The following TECRL variants were observed in gnomAD, a reference collection of about 807,000 sequenced individuals.
TECRL encodes trans-2,3-enoyl-CoA reductase-like.
In TECRL, 63 loss-of-function variants were observed where a neutral mutation model predicts 52.8. That is an observed-to-expected ratio of 1.19 (90% CI 0.97 to 1.47). TECRL has a LOEUF of 1.47. Ranked by LOEUF, TECRL falls within the 40% of genes most tolerant of loss-of-function variation. The probability of loss-of-function intolerance (pLI) is 0.00; values close to 1 mark genes in which losing one functional copy is unlikely to be tolerated. For missense variants in TECRL, 482 were observed against 429.6 expected (o/e 1.12, Z -1.08); for synonymous variants, 164 against 141.9 (o/e 1.16, Z -1.10).
chr4:64,362,246 T>C (rs1361151039), intron 2 of TECRL, among the ~76,000 whole-genome samples: 1 of 152,020 alleles, frequency 6.6e-6, no homozygotes, highest in Non-Finnish European at 1.5e-5. Flanking sequence ...CTGAAAGAGA[T>C]GAAGTGATGG....
At chr4:64,379,540 T>C (rs1057124444) in intron 1 of TECRL, among the ~76,000 whole-genome samples, 2 of 152,114 alleles carry the variant, frequency 1.3e-5, no homozygotes, top group African/African-American at 2.4e-5. Flanking sequence ...TAATTGTTAA[T>C]TATAGTCACC....
intron 6 of TECRL, 132 bp downstream of exon 6, chr4:64,309,694 G>T: frequency 2.9e-6 from 2 of 690,382 alleles, no homozygotes; most frequent in East Asian, 2.7e-5. Context: ...TTTAGGAAAA[G>T]AATGTTTAAG....
intron 8 of TECRL, among the ~76,000 whole-genome samples, chr4:64,294,827 A>G (rs1221602225): frequency 6.6e-6 from 1 of 152,012 alleles, no homozygotes; most frequent in Non-Finnish European, 1.5e-5. Flanking sequence ...TATTTCAAAA[A>G]TAAGGACAAT....
At chr4:64,319,750 T>C (rs1356765513) in intron 4 of TECRL, among the ~76,000 whole-genome samples, 1 of 151,870 alleles carries the variant, frequency 6.6e-6, no homozygotes, top group Non-Finnish European at 1.5e-5. Flanking sequence ...TCCATATAAC[T>C]GAATACTACT....
At chr4:64,318,172 C>G (rs1717635877) in intron 4 of TECRL, among the ~76,000 whole-genome samples, 1 of 152,030 alleles carries the variant, frequency 6.6e-6, no homozygotes, top group Non-Finnish European at 1.5e-5. Flanking sequence ...TAGAAATATG[C>G]AGGTATACAA....
chr4:64,287,859 G>C (rs902234017), intron 9 of TECRL, among the ~76,000 whole-genome samples: 1 of 151,910 alleles, frequency 6.6e-6, no homozygotes, highest in Non-Finnish European at 1.5e-5. Context: ...TTCAAAATGG[G>C]CCATGGGCCA....
At chr4:64,391,740 C>A (rs1177385480) in intron 1 of TECRL, among the ~76,000 whole-genome samples, 1 of 151,726 alleles carries the variant, frequency 6.6e-6, no homozygotes, top group Non-Finnish European at 1.5e-5. Flanking sequence ...TTATTGAATG[C>A]TCTTATGTGA....
intron 8 of TECRL, 42 bp from the exon 9 acceptor site, chr4:64,289,809 C>T (rs1187234041): frequency 1.2e-5 from 16 of 1,329,320 alleles, no homozygotes; most frequent in Non-Finnish European, 1.5e-5. Flanking sequence ...TACACCTCTG[C>T]CTATTTTTTA....
intron 2 of TECRL, among the ~76,000 whole-genome samples, chr4:64,364,221 C>A (rs1721432064): frequency 6.6e-6 from 1 of 151,614 alleles, no homozygotes; most frequent in East Asian, 1.9e-4. Context: ...CTAGTGAAAA[C>A]AAAGATACAA....
chr4:64,293,722 A>T (rs1406481250), intron 8 of TECRL, among the ~76,000 whole-genome samples: 1 of 151,942 alleles, frequency 6.6e-6, no homozygotes, highest in African/African-American at 2.4e-5. Context: ...AATGAAAATG[A>T]TGTATCAATA....
chr4:64,360,336 C>T (rs2109610782), intron 2 of TECRL, among the ~76,000 whole-genome samples: 1 of 152,078 alleles, frequency 6.6e-6, no homozygotes, highest in Middle Eastern at 3.4e-3. Context: ...GTAATAATTT[C>T]TTCAGAATTA....
chr4:64,334,204 C>A lies in TECRL; in HGVS notation c.287-5648G>T, dbSNP rs993333284. ...GTCTTTCTTCTTAAGTAATAAACAT[C>A]AAATATTACCCAAAATTCTTCCTTG... On this transcript the variant is annotated intron_variant, in intron 2 of 11. Coordinates refer to ENST00000381210, the MANE Select transcript of TECRL (RefSeq NM_001010874.5). Among the ~76,000 whole-genome samples, 9 of 152,038 alleles carry A rather than the reference C, an allele frequency of 5.9e-5. 1 individual carries two copies. Among genetic ancestry groups the A allele is most frequent in the African/African-American group, 1.9e-4 (8 of 41,526 alleles).
intron 2 of TECRL, among the ~76,000 whole-genome samples, chr4:64,351,154 AG>A (rs1296314617): frequency 6.6e-6 from 1 of 150,542 alleles, no homozygotes; most frequent in African/African-American, 2.4e-5. Flanking sequence ...TGGATGGGAA[AG>A]GGGCATGAAG....
chr4:64,291,338 G>T (rs1345877898), intron 8 of TECRL, among the ~76,000 whole-genome samples: 1 of 151,792 alleles, frequency 6.6e-6, no homozygotes, highest in East Asian at 1.9e-4. Context: ...CTAACAAATC[G>T]TTAGCACTAC....
chr4:64,388,996 C>A (rs987598989), intron 1 of TECRL, among the ~76,000 whole-genome samples: 3 of 151,892 alleles, frequency 2.0e-5, no homozygotes, highest in South Asian at 4.1e-4. Flanking sequence ...TTTCTGTTTT[C>A]TTTTACTGTT....
chr4:64,290,356 C>G (rs1723312468), intron 8 of TECRL, among the ~76,000 whole-genome samples: 1 of 152,144 alleles, frequency 6.6e-6, no homozygotes, highest in South Asian at 2.1e-4. Flanking sequence ...TCGCCTGAGA[C>G]TAATAATGTT....
chr4:64,314,954 A>T (rs1421424528), intron 4 of TECRL, among the ~76,000 whole-genome samples, 191 bp from the exon 5 acceptor site: 1 of 152,108 alleles, frequency 6.6e-6, no homozygotes, highest in African/African-American at 2.4e-5. Context: ...ATGTATAGTT[A>T]ATTTGGAATA....
At chr4:64,389,239 G>T (rs1384689401) in intron 1 of TECRL, among the ~76,000 whole-genome samples, 1 of 151,788 alleles carries the variant, frequency 6.6e-6, no homozygotes, top group Non-Finnish European at 1.5e-5. Context: ...TAAAAATGAC[G>T]TGACCTGTAG....
In TECRL at chr4:64,296,956, T is replaced by G. The variant is rs1333350081; in HGVS notation, c.774+3018A>C. On this transcript the variant is annotated intron_variant, in intron 8 of 11. Transcript: ENST00000381210. ...TAGATTTGTGATACCCGAACATATCTGAGGATCAAATTGTGTTGAAAGTTA... is the reference window on the plus strand; with the variant it reads ...TAGATTTGTGATACCCGAACATATCGGAGGATCAAATTGTGTTGAAAGTTA... 4.0e-5 allele frequency among the ~76,000 whole-genome samples: 6 copies of G among 151,546 alleles called. No homozygotes were observed. The Admixed American group carries it at 4.0e-4, about 10-fold the overall frequency.
Sources: gnomAD v4.1 joint callset for allele counts (sites outside exome capture counted in the v4.1 genomes callset) on GRCh38, gnomAD v4.1.1 for gene constraint, MANE v1.5 for transcripts, NCBI Gene and HGNC (gene_info 2026-07-23, HGNC 2026-07-21) for gene names.